CNTN4: variants seen among roughly 807,000 people sequenced by gnomAD.
CNTN4 encodes contactin-4.
A neutral mutation model predicts 122.5 loss-of-function variants in CNTN4; 77 were observed. That is an observed-to-expected ratio of 0.63 (90% CI 0.52 to 0.76). The LOEUF is 0.76. CNTN4 is among the 30% of genes least tolerant of loss of function. The probability of loss-of-function intolerance (pLI) is 0.00; values close to 1 mark genes in which losing one functional copy is unlikely to be tolerated. For synonymous variants in CNTN4, 512 were observed against 447.0 expected, an observed-to-expected ratio of 1.15 and a Z score of -1.83; for missense variants, 1,256 against 1,259.1, an observed-to-expected ratio of 1.00 and a Z score of 0.04.
At chr3:3,007,750 A>G (rs896976661) in intron 14 of CNTN4, among the ~76,000 whole-genome samples, 4 of 152,208 alleles carry the variant, frequency 2.6e-5, no homozygotes, top group Admixed American at 2.6e-4. Context: ...GGAGCAAGAT[A>G]AAAGTAGGGT....
At chr3:2,535,896 A>G (rs1433771803) in intron 3 of CNTN4, among the ~76,000 whole-genome samples, 1 of 152,082 alleles carries the variant, frequency 6.6e-6, no homozygotes, top group Non-Finnish European at 1.5e-5. Flanking sequence ...CTAATCTGGA[A>G]GTCTTTGACA....
intron 2 of CNTN4, among the ~76,000 whole-genome samples, chr3:2,243,368 C>T (rs2040016185): frequency 6.6e-6 from 1 of 152,078 alleles, no homozygotes; most frequent in South Asian, 2.1e-4. Context: ...ACCTTAATAT[C>T]CATTTTTATG....
chr3:2,602,675 T>C (rs1339107730), intron 4 of CNTN4, among the ~76,000 whole-genome samples: 2 of 152,180 alleles, frequency 1.3e-5, no homozygotes, highest in Non-Finnish European at 2.9e-5. Context: ...CAAGGTAATT[T>C]ATAGATTCAA....
intron 12 of CNTN4, 65 bp from the exon 13 acceptor site, chr3:2,925,564 A>T: frequency 6.6e-7 from 1 of 1,516,880 alleles, no homozygotes; most frequent in Non-Finnish European, 9.1e-7. Context: ...AGAAAGAAAA[A>T]GACTAAGGAA....
chr3:2,586,139 A>G (rs2080193668), intron 4 of CNTN4, among the ~76,000 whole-genome samples: 1 of 152,138 alleles, frequency 6.6e-6, no homozygotes, highest in Non-Finnish European at 1.5e-5. Context: ...GGGTCAAGTA[A>G]GTGGCTGAAG....
chr3:2,363,430 GTTAGAACTAATCT>G (rs1235243058), intron 3 of CNTN4, among the ~76,000 whole-genome samples: 3 of 152,198 alleles, frequency 2.0e-5, no homozygotes, highest in Non-Finnish European at 4.4e-5. Context: ...TAAACATGCT[GTTAGAACTAATCT>G]TTCTGACTCC....
intron 2 of CNTN4, among the ~76,000 whole-genome samples, chr3:2,292,150 T>C (rs2042158165): frequency 6.6e-6 from 1 of 152,216 alleles, no homozygotes; most frequent in Non-Finnish European, 1.5e-5. Flanking sequence ...AAGTGGTACT[T>C]GTATTGTCAC....
chr3:2,164,958 A>G (rs538055202), intron 2 of CNTN4, among the ~76,000 whole-genome samples: 1 of 152,332 alleles, frequency 6.6e-6, no homozygotes, highest in South Asian at 2.1e-4. Context: ...AGGTCACAAT[A>G]TGAGAAGGGG....
At chr3:2,518,419 A>G (rs1179430016) in intron 3 of CNTN4, among the ~76,000 whole-genome samples, 1 of 152,162 alleles carries the variant, frequency 6.6e-6, no homozygotes, top group Non-Finnish European at 1.5e-5. Flanking sequence ...CTTGAGAAAC[A>G]TTCTTGATGT....
At chr3:2,427,493 T>A (rs1033693435) in intron 3 of CNTN4, among the ~76,000 whole-genome samples, 1 of 152,216 alleles carries the variant, frequency 6.6e-6, no homozygotes, top group South Asian at 2.1e-4. Context: ...TACTTCCAAC[T>A]TTGTGGTCAA....
At chr3:2,239,222 T>C (rs552355447) in intron 2 of CNTN4, among the ~76,000 whole-genome samples, 1 of 152,328 alleles carries the variant, frequency 6.6e-6, no homozygotes, top group East Asian at 1.9e-4. Flanking sequence ...ATGTGATTTG[T>C]ATTTGGTTAC....
intron 3 of CNTN4, among the ~76,000 whole-genome samples, chr3:2,544,054 C>T (rs1418258971): frequency 2.6e-5 from 4 of 152,098 alleles, no homozygotes; most frequent in African/African-American, 9.7e-5. Context: ...ATTCAGAAAC[C>T]TTTCTTGAGT....
Position 2,934,915 on chromosome 3 carries a change from G to A in CNTN4, c.1358+9136G>A, listed in dbSNP as rs148254993. 2.0e-4 allele frequency among the ~76,000 whole-genome samples: 30 copies of A among 152,294 alleles called. 1 individual carries two copies. In the East Asian group the frequency reaches 2.7e-3, roughly 14 times the overall value. ...GCAGTTACGAAAGAGAGCTTATACCGCTCTTCAAATTCAGACCTAGAACTT... is the reference window on the plus strand; with the variant it reads ...GCAGTTACGAAAGAGAGCTTATACCACTCTTCAAATTCAGACCTAGAACTT... On this transcript the variant is annotated intron_variant, in intron 13 of 24. Transcript: ENST00000418658.
At chr3:2,964,848 T>C (rs1692139986) in intron 13 of CNTN4, among the ~76,000 whole-genome samples, 1 of 152,156 alleles carries the variant, frequency 6.6e-6, no homozygotes, top group Admixed American at 6.5e-5. Context: ...TAACCAAGTT[T>C]CTCCTTCCAC....
chr3:2,925,550 A>C, intron 12 of CNTN4, 79 bp from the exon 13 acceptor site: 2 of 1,468,310 alleles, frequency 1.4e-6, no homozygotes, highest in Non-Finnish European at 9.4e-7. Flanking sequence ...GTCTCAAAAA[A>C]GAAAGAAAGA....
chr3:2,916,750 G>A lies in CNTN4; in HGVS notation c.1208-8879G>A, dbSNP rs543549833. On this transcript the variant is annotated intron_variant, in intron 12 of 24. Transcript: ENST00000418658. Reference sequence around the variant, plus strand: ...CAGACGGGGTGGCGGCCGGGCAGAGGGGCTCCTCACTTCCCAGTAGGGGCG... The same window carrying A: ...CAGACGGGGTGGCGGCCGGGCAGAGAGGCTCCTCACTTCCCAGTAGGGGCG... Among the ~76,000 whole-genome samples the A allele has an allele frequency of 1.7e-4, 24 of 144,756 alleles. 1 individual carries two copies. Among genetic ancestry groups the A allele is most frequent in the East Asian group, 4.1e-4 (2 of 4,904 alleles). The allele number at this position is 144,756 out of a possible 152,430, so 95.0% of individuals were successfully genotyped here. A position where few individuals can be genotyped will look rare whatever the true frequency, so the allele number is the denominator to read the frequency against.
At chr3:2,581,634 T>TC (rs1237973866) in intron 4 of CNTN4, among the ~76,000 whole-genome samples, 1 of 152,200 alleles carries the variant, frequency 6.6e-6, no homozygotes, top group Non-Finnish European at 1.5e-5. Context: ...CAGTTTTTTT[T>TC]CTCTTGTAAA....
At chr3:2,483,801 A>G (rs896965400) in intron 3 of CNTN4, among the ~76,000 whole-genome samples, 3 of 152,178 alleles carry the variant, frequency 2.0e-5, no homozygotes, top group African/African-American at 7.2e-5. Context: ...CTGTAAGTCA[A>G]TTAAACTTTT....
chr3:2,945,899 A>G (rs1391845393), intron 13 of CNTN4, among the ~76,000 whole-genome samples: 1 of 152,202 alleles, frequency 6.6e-6, no homozygotes. Flanking sequence ...ATTCAAATTC[A>G]TTTGGAATTT....
Sources: allele counts gnomAD v4.1 joint callset (sites outside exome capture counted in the v4.1 genomes callset), GRCh38; gene constraint gnomAD v4.1.1; transcripts MANE v1.5; gene names NCBI Gene and HGNC (gene_info 2026-07-23, HGNC 2026-07-21).